The following SUSD4 variants were observed in gnomAD, a reference collection of about 807,000 sequenced individuals.
SUSD4 encodes the protein sushi domain-containing protein 4.
In SUSD4, 41 loss-of-function variants were observed where a neutral mutation model predicts 50.5. That is an observed-to-expected ratio of 0.81 (90% CI 0.63 to 1.05). The LOEUF is 1.05. Ranked by LOEUF, SUSD4 falls within the 50% of genes least tolerant of loss-of-function variation. The pLI, the probability that SUSD4 is intolerant of heterozygous loss-of-function variation, is 0.00. For synonymous variants in SUSD4, 257 were observed against 257.3 expected (o/e 1.00, Z 0.01); for missense variants, 580 against 634.7 (o/e 0.91, Z 0.93).
chr1:223,333,332 A>T, intron 2 of SUSD4, among the ~76,000 whole-genome samples: 1 of 152,180 alleles, frequency 6.6e-6, no homozygotes, highest in East Asian at 1.9e-4. Context: ...TGGGGCTATC[A>T]GCACCTCCTG....
intron 5 of SUSD4, among the ~76,000 whole-genome samples, chr1:223,252,961 G>A (rs1163271046): frequency 6.6e-6 from 1 of 152,020 alleles, no homozygotes; most frequent in African/African-American, 2.4e-5. Context: ...GTATGGCAGT[G>A]CAGCCTGTAG....
intron 5 of SUSD4, among the ~76,000 whole-genome samples, chr1:223,237,293 G>C (rs2103015181): frequency 6.6e-6 from 1 of 152,034 alleles, no homozygotes; most frequent in African/African-American, 2.4e-5. Context: ...TGTCCCCTGT[G>C]AAAAAGATAG....
chr1:223,365,176 G>GGA (rs935240505), upstream of SUSD4, among the ~76,000 whole-genome samples: 2 of 152,150 alleles, frequency 1.3e-5, no homozygotes, highest in African/African-American at 2.4e-5. Context: ...AGCCCCAAGT[G>GGA]GAGAGAGTTG....
rs1253587891 is a variant in SUSD4, at chr1:223,363,371, G to A, written c.55C>T (p.Gln19Ter). 3 of 1,596,502 alleles carry A rather than the reference G, an allele frequency of 1.9e-6. No individual in the cohort carries two copies. The highest frequency in any genetic ancestry group is 1.8e-5 in the Admixed American group (1 of 56,888). The change falls in exon 2 of 9, where the codon CAG (glutamine) becomes TAG (stop). Residue 19 changes from glutamine (Q) to a stop codon, truncating the protein, a stop_gained. Transcript: ENST00000366878. LOFTEE classifies it high-confidence loss of function. ...TGGGGGGACTGAGGTTGCTGCTGCT[G>A]CTGCTGCTGCTCTAGAAATCCATCT... ...NGDGFLEQQQ[Q>*]QQQPQSPQRL...
At chr1:223,349,126 C>A (rs1352963376) in intron 2 of SUSD4, among the ~76,000 whole-genome samples, 1 of 151,996 alleles carries the variant, frequency 6.6e-6, no homozygotes, top group Admixed American at 6.5e-5. Flanking sequence ...GGCACCAGCA[C>A]CAAACCTGGA....
At chr1:223,354,658 C>T (rs778087332) in intron 2 of SUSD4, among the ~76,000 whole-genome samples, 7 of 152,184 alleles carry the variant, frequency 4.6e-5, no homozygotes, top group Non-Finnish European at 1.0e-4. Flanking sequence ...ACTGAAAATG[C>T]ATCCTTGGGT....
At chr1:223,315,754 T>G (rs1666148022) in intron 2 of SUSD4, among the ~76,000 whole-genome samples, 1 of 152,216 alleles carries the variant, frequency 6.6e-6, no homozygotes, top group Non-Finnish European at 1.5e-5. Flanking sequence ...TCTCTTTAAG[T>G]TGGTCTCAGA....
intron 4 of SUSD4, 122 bp from the exon 5 acceptor site, chr1:223,264,940 C>T (rs942848979): frequency 3.0e-6 from 3 of 989,388 alleles, no homozygotes; most frequent in Non-Finnish European, 4.4e-6. Flanking sequence ...ATGGCACCAC[C>T]TCTGAAGAAT....
intron 5 of SUSD4, among the ~76,000 whole-genome samples, chr1:223,256,584 G>A (rs953226777): frequency 6.6e-6 from 1 of 152,180 alleles, no homozygotes. Context: ...ATTGGGGGGA[G>A]AAGCTCTCCT....
At chr1:223,342,786 C>T (rs1196320646) in intron 2 of SUSD4, among the ~76,000 whole-genome samples, 1 of 152,126 alleles carries the variant, frequency 6.6e-6, no homozygotes, top group African/African-American at 2.4e-5. Flanking sequence ...ATGAAAAATA[C>T]AGGTGACTAT....
rs145921708 is a variant in SUSD4, at chr1:223,222,301, A to G, written c.1445-81T>C. 4.8e-4 allele frequency: 699 copies of G among 1,446,196 alleles called. 3 individuals carry two copies. In the African/African-American group the frequency reaches 8.9e-3, roughly 18 times the overall value. The allele number at this position is 1,446,196 out of a possible 1,614,324, so 89.6% of individuals were successfully genotyped here. On this transcript the variant is annotated intron_variant, in intron 8 of 8. Transcript: ENST00000366878. ...CTGGAATTATATGCCTCATTAAAATATCTACAGTTTCTCAAATCAGTGAGG... is the reference window on the plus strand; with the variant it reads ...CTGGAATTATATGCCTCATTAAAATGTCTACAGTTTCTCAAATCAGTGAGG...
chr1:223,251,098 G>A (rs1661272072), intron 5 of SUSD4, among the ~76,000 whole-genome samples: 1 of 152,200 alleles, frequency 6.6e-6, no homozygotes, highest in African/African-American at 2.4e-5. Context: ...TATTATAGTA[G>A]GGTGGGCCCT....
At chr1:223,253,392 GA>G (rs939524684) in intron 5 of SUSD4, among the ~76,000 whole-genome samples, 1 of 151,812 alleles carries the variant, frequency 6.6e-6, no homozygotes, top group Non-Finnish European at 1.5e-5. Context: ...CCATTTCTAT[GA>G]AAAAAATGAA....
intron 2 of SUSD4, among the ~76,000 whole-genome samples, chr1:223,357,700 T>C (rs542307475): frequency 9.2e-5 from 14 of 152,372 alleles, no homozygotes; most frequent in Admixed American, 7.8e-4. Context: ...ATCACGCAGA[T>C]GTCGGCCAAC....
In SUSD4 at chr1:223,222,021, T is replaced by C. The variant is rs1558156871; in HGVS notation, c.*171A>G. ...CAAATCTCATTTAAAAGCACTGCCA[T>C]TGCAGTTTGTCAGCCTCACTGTGGA... On this transcript the variant is annotated 3_prime_UTR_variant, in exon 9 of 9. Coordinates refer to ENST00000366878, the MANE Select transcript of SUSD4 (RefSeq NM_017982.4). 1 of 641,780 alleles carries C rather than the reference T, an allele frequency of 1.6e-6. No individual in the cohort carries two copies. Among genetic ancestry groups the C allele is most frequent in the Non-Finnish European group, 2.7e-6 (1 of 372,144 alleles). The allele number at this position is 641,780 out of a possible 1,614,324, so 39.8% of individuals were successfully genotyped here.
At chr1:223,301,691 T>C (rs1451837210) in intron 2 of SUSD4, among the ~76,000 whole-genome samples, 3 of 152,190 alleles carry the variant, frequency 2.0e-5, no homozygotes, top group Non-Finnish European at 1.5e-5. Flanking sequence ...CCCTTTATGC[T>C]GAGGAGGGAA....
intron 2 of SUSD4, among the ~76,000 whole-genome samples, chr1:223,331,067 G>A (rs1156663131): frequency 6.6e-6 from 1 of 152,176 alleles, no homozygotes. Context: ...TCTCATGGGT[G>A]AGGGCATTTC....
chr1:223,236,345 T>TA (rs767482029), intron 5 of SUSD4, among the ~76,000 whole-genome samples: 14 of 152,202 alleles, frequency 9.2e-5, no homozygotes, highest in Non-Finnish European at 1.6e-4. Context: ...CAGAAGTTGT[T>TA]AATTTTAATG....
In SUSD4 at chr1:223,317,849, T is replaced by TTA; in HGVS notation, c.149-25199_149-25198insTA. 2.5e-5 allele frequency among the ~76,000 whole-genome samples: 3 copies of TTA among 118,808 alleles called. No homozygotes were observed. In the East Asian group the frequency reaches 8.1e-4, roughly 32 times the overall value. The allele number at this position is 118,808 out of a possible 152,430, so 77.9% of individuals were successfully genotyped here. On this transcript the variant is annotated intron_variant, in intron 2 of 8. Coordinates refer to ENST00000366878, the MANE Select transcript of SUSD4 (RefSeq NM_017982.4). ...GCTTGCCCTTCTTTTTTTTTTTTTTTTCTTTTTTTTTTTTTTTTTTATTAT... is the reference window on the plus strand; with the variant it reads ...GCTTGCCCTTCTTTTTTTTTTTTTTTTATCTTTTTTTTTTTTTTTTTTATTAT...
Sources: gnomAD v4.1 joint callset for allele counts (sites outside exome capture counted in the v4.1 genomes callset) on GRCh38, gnomAD v4.1.1 for gene constraint, MANE v1.5 for transcripts, NCBI Gene and HGNC (gene_info 2026-07-23, HGNC 2026-07-21) for gene names.